The following CNTLN variants were observed in gnomAD, a reference collection of about 807,000 sequenced individuals.
The protein encoded by CNTLN is centlein, also known as centlein, centrosomal protein.
A neutral mutation model predicts 180.0 loss-of-function variants in CNTLN; 212 were observed. The ratio of observed to expected loss-of-function variants is 1.18; its 90% CI spans 1.05 to 1.32. The LOEUF (loss-of-function observed/expected upper bound fraction) is 1.32, where lower values mean the gene tolerates loss of function less well. CNTLN is among the 40% of genes most tolerant of loss of function. The probability of loss-of-function intolerance (pLI) is 0.00; values close to 1 mark genes in which losing one functional copy is unlikely to be tolerated. For missense variants in CNTLN, 2,095 were observed against 1,610.9 expected (o/e 1.30, Z -5.14); for synonymous variants, 722 against 563.1 (o/e 1.28, Z -3.99).
At chr9:17,170,051 CTT>C (rs1820329592) in intron 2 of CNTLN, among the ~76,000 whole-genome samples, 1 of 151,982 alleles carries the variant, frequency 6.6e-6, no homozygotes, top group Admixed American at 6.6e-5. Flanking sequence ...TTATTTGTGT[CTT>C]TAATTTCTTT....
intron 6 of CNTLN, among the ~76,000 whole-genome samples, chr9:17,294,148 T>C (rs1327959476): frequency 1.3e-5 from 2 of 152,076 alleles, no homozygotes; most frequent in Non-Finnish European, 2.9e-5. Context: ...GTGTTACAGC[T>C]CATAAAGGCA....
In CNTLN at chr9:17,302,089, T is replaced by TACAC. The variant is rs35043839; in HGVS notation, c.1146+3765_1146+3768dup. 9.1e-4 allele frequency: 847 copies of TACAC among 927,716 alleles called. 1 individual carries two copies. The highest frequency in any genetic ancestry group is 4.5e-3 in the African/African-American group (229 of 51,442). 57.5% of individuals were successfully genotyped at this position (927,716 alleles called of 1,614,324 possible). ...ATAGTGTACTGACTACACATATGTG[T>TACAC]ACACACACACACACACACACACACA... On this transcript the variant is annotated intron_variant, in intron 7 of 25. Coordinates refer to ENST00000380647, the MANE Select transcript of CNTLN (RefSeq NM_017738.4).
chr9:17,267,191 C>T (rs1399822285), intron 5 of CNTLN, among the ~76,000 whole-genome samples: 1 of 152,032 alleles, frequency 6.6e-6, no homozygotes, highest in Non-Finnish European at 1.5e-5. Flanking sequence ...TGTTCCTTTC[C>T]ATGTTTAGTG....
intron 2 of CNTLN, among the ~76,000 whole-genome samples, chr9:17,208,328 T>C (rs1418229998): frequency 6.6e-6 from 1 of 152,170 alleles, no homozygotes; most frequent in Non-Finnish European, 1.5e-5. Context: ...TCCCACTGTG[T>C]CATGATGAAT....
At chr9:17,488,034 T>C (rs1244304312) in intron 25 of CNTLN, among the ~76,000 whole-genome samples, 1 of 152,144 alleles carries the variant, frequency 6.6e-6, no homozygotes, top group Non-Finnish European at 1.5e-5. Context: ...TGTCCTGTGA[T>C]TTTTGGAAAG....
chr9:17,170,711 T>C (rs1192295587), intron 2 of CNTLN, among the ~76,000 whole-genome samples: 1 of 152,162 alleles, frequency 6.6e-6, no homozygotes, highest in Non-Finnish European at 1.5e-5. Flanking sequence ...TCTTTATATA[T>C]CATTTAATCA....
chr9:17,249,624 C>T (rs754319084), intron 5 of CNTLN, among the ~76,000 whole-genome samples: 5 of 152,034 alleles, frequency 3.3e-5, no homozygotes, highest in Admixed American at 6.6e-5. Flanking sequence ...GCTGGGATTA[C>T]AGGCACGAGC....
At chr9:17,294,422 C>T (rs571894826) in intron 6 of CNTLN, among the ~76,000 whole-genome samples, 62 of 111,842 alleles carry the variant, frequency 5.5e-4, no homozygotes, top group African/African-American at 2.7e-3. Context: ...CAAAAGTTCT[C>T]CAAGTCCCAC....
At chr9:17,357,256 T>C (rs1822922480) in intron 12 of CNTLN, among the ~76,000 whole-genome samples, 1 of 107,724 alleles carries the variant, frequency 9.3e-6, no homozygotes, top group Non-Finnish European at 2.1e-5. Context: ...CAGCCATTGA[T>C]GGATGTTTGG....
At chr9:17,352,416 A>ATATATATATATATTT (rs1469636947) in intron 12 of CNTLN, among the ~76,000 whole-genome samples, 3 of 31,304 alleles carry the variant, frequency 9.6e-5, no homozygotes, top group African/African-American at 3.6e-4. Context: ...ATATATATAT[A>ATATATATATATATTT]TTTTTTTTTT....
At chr9:17,275,863 A>G (rs1378663168) in intron 6 of CNTLN, among the ~76,000 whole-genome samples, 1 of 152,166 alleles carries the variant, frequency 6.6e-6, no homozygotes, top group Non-Finnish European at 1.5e-5. Flanking sequence ...CATATGGCCT[A>G]TGTGAATTAA....
At chr9:17,456,701 C>G (rs532131304) in intron 18 of CNTLN, among the ~76,000 whole-genome samples, 2 of 152,110 alleles carry the variant, frequency 1.3e-5, no homozygotes, top group East Asian at 3.9e-4. Flanking sequence ...TGTTAAGGTA[C>G]CACATTATAA....
chr9:17,152,057 CTTT>C (rs1181250651), intron 2 of CNTLN, among the ~76,000 whole-genome samples: 4 of 152,042 alleles, frequency 2.6e-5, no homozygotes, highest in Non-Finnish European at 5.9e-5. Flanking sequence ...TGCTTTTCTC[CTTT>C]ATTAGTCTGG....
chr9:17,446,114 T>C (rs1180043611), intron 18 of CNTLN, among the ~76,000 whole-genome samples: 1 of 152,194 alleles, frequency 6.6e-6, no homozygotes, highest in African/African-American at 2.4e-5. Context: ...CTTGTGACCC[T>C]GACACATCCC....
At chr9:17,466,597 A>T in intron 22 of CNTLN, 109 bp from the exon 23 acceptor site, 1 of 833,432 alleles carries the variant, frequency 1.2e-6, no homozygotes, top group South Asian at 2.0e-5. Context: ...CCAAATAATA[A>T]ATACATAGAG....
chr9:17,291,256 GTGTCGCCAAGAAGAATAT>G (rs1432400128), intron 6 of CNTLN, among the ~76,000 whole-genome samples: 4 of 152,166 alleles, frequency 2.6e-5, no homozygotes, highest in Non-Finnish European at 5.9e-5. Context: ...TATGTGCTAT[GTGTCGCCAAGAAGAATAT>G]ATATTCCATT....
chr9:17,341,519 T>G (rs1821479206), intron 11 of CNTLN, among the ~76,000 whole-genome samples: 1 of 152,132 alleles, frequency 6.6e-6, no homozygotes, highest in African/African-American at 2.4e-5. Context: ...TAGTCGTAAG[T>G]GGCTCCCCTG....
At chr9:17,361,848 A>C (rs1426082599) in intron 12 of CNTLN, among the ~76,000 whole-genome samples, 1 of 152,182 alleles carries the variant, frequency 6.6e-6, no homozygotes, top group Admixed American at 6.5e-5. Context: ...GTTGTTTCCT[A>C]TCATTTGTCC....
At chr9:17,282,970 G>A (rs35619882) in intron 6 of CNTLN, among the ~76,000 whole-genome samples, 28 of 152,158 alleles carry the variant, frequency 1.8e-4, no homozygotes, top group South Asian at 6.2e-4. Context: ...TACCAGTACC[G>A]TGTTGTTTTG....
Sources: gnomAD v4.1 joint callset for allele counts (sites outside exome capture counted in the v4.1 genomes callset) on GRCh38, gnomAD v4.1.1 for gene constraint, MANE v1.5 for transcripts, NCBI Gene and HGNC (gene_info 2026-07-23, HGNC 2026-07-21) for gene names.